Variants in LRMDA observed in about 807,000 individuals in gnomAD.
LRMDA encodes leucine-rich melanocyte differentiation-associated protein.
LRMDA carries 18 observed loss-of-function variants against 29.8 expected under a neutral mutation model. The observed-to-expected ratio is 0.60, with a 90% CI of 0.42 to 0.90. LRMDA has a LOEUF of 0.90. Ranked by LOEUF, LRMDA falls within the 40% of genes least tolerant of loss-of-function variation. LRMDA has a pLI of 0.00. For synonymous variants in LRMDA, 125 were observed against 109.4 expected (o/e 1.14, Z -0.89); for missense variants, 273 against 273.9 (o/e 1.00, Z 0.02).
At chr10:76,277,586 C>A (rs1157544209) in intron 5 of LRMDA, among the ~76,000 whole-genome samples, 1 of 151,938 alleles carries the variant, frequency 6.6e-6, no homozygotes, top group East Asian at 1.9e-4. Flanking sequence ...GTGCTTCTGT[C>A]CTCCTTTTCC....
intron 6 of LRMDA, among the ~76,000 whole-genome samples, chr10:76,525,323 G>A (rs1843162898): frequency 6.6e-6 from 1 of 152,092 alleles, no homozygotes; most frequent in Admixed American, 6.6e-5. Context: ...AAGCAAAATG[G>A]GGAGAAACTT....
Position 75,739,476 on chromosome 10 carries a change from T to C in LRMDA, c.132-296532T>C, listed in dbSNP as rs575593541. On this transcript the variant is annotated intron_variant, in intron 2 of 6. Coordinates refer to ENST00000611255, the MANE Select transcript of LRMDA (RefSeq NM_001305581.2). ...AGACTGACGGGAAATCAATTAATCT[T>C]GATGTATTATTTTATGCAGAACAGG... 2.3e-4 allele frequency among the ~76,000 whole-genome samples: 35 copies of C among 152,362 alleles called. No individual in the cohort carries two copies. In the Middle Eastern group the frequency reaches 0.014, roughly 59 times the overall value.
chr10:76,236,279 G>A (rs551934752), intron 5 of LRMDA, among the ~76,000 whole-genome samples: 2 of 152,318 alleles, frequency 1.3e-5, no homozygotes, highest in African/African-American at 4.8e-5. Context: ...GTAACTGAAA[G>A]TCAGGTAACA....
At chr10:76,542,671 T>C (rs969198640) in intron 6 of LRMDA, among the ~76,000 whole-genome samples, 1 of 152,202 alleles carries the variant, frequency 6.6e-6, no homozygotes, top group Non-Finnish European at 1.5e-5. Flanking sequence ...GCAGAGTTGA[T>C]GAAAATGTTA....
intron 5 of LRMDA, among the ~76,000 whole-genome samples, chr10:76,085,985 T>C (rs1849127879): frequency 6.6e-6 from 1 of 152,194 alleles, no homozygotes; most frequent in South Asian, 2.1e-4. Flanking sequence ...CTCCTCCTTC[T>C]CATGCTTCAC....
At chr10:75,526,241 T>C (rs1294705251) in intron 2 of LRMDA, among the ~76,000 whole-genome samples, 4 of 151,876 alleles carry the variant, frequency 2.6e-5, no homozygotes, top group African/African-American at 9.7e-5. Flanking sequence ...AATTTTTAAT[T>C]TTTTGTAGAG....
intron 2 of LRMDA, among the ~76,000 whole-genome samples, chr10:75,766,046 C>G (rs1843160225): frequency 6.6e-6 from 1 of 152,164 alleles, no homozygotes; most frequent in Non-Finnish European, 1.5e-5. Context: ...TAAAAAATGT[C>G]TGTTGGAAGG....
intron 6 of LRMDA, among the ~76,000 whole-genome samples, chr10:76,358,998 G>C (rs1224883679): frequency 6.6e-6 from 1 of 152,140 alleles, no homozygotes; most frequent in Non-Finnish European, 1.5e-5. Context: ...GTTCGGCAAG[G>C]GACAGCATTC....
intron 6 of LRMDA, among the ~76,000 whole-genome samples, chr10:76,377,817 C>T (rs527573084): frequency 5.3e-5 from 8 of 152,222 alleles, no homozygotes; most frequent in Non-Finnish European, 1.0e-4. Context: ...AATGTGATGC[C>T]TCCAGCTTTT....
chr10:76,557,961 A>G lies in LRMDA; in HGVS notation c.*673A>G, dbSNP rs1393045488. 1 of 152,294 alleles carries G rather than the reference A, an allele frequency of 6.6e-6. No homozygotes were observed. Among genetic ancestry groups the G allele is most frequent in the Non-Finnish European group, 1.5e-5 (1 of 68,136 alleles). 9.4% of individuals were successfully genotyped at this position (152,294 alleles called of 1,614,324 possible). A position where few individuals can be genotyped will look rare whatever the true frequency, so the allele number is the denominator to read the frequency against. On this transcript the variant is annotated 3_prime_UTR_variant, in exon 7 of 7. Transcript: ENST00000611255. The stretch of plus-strand genomic sequence containing the variant: ...TTTATGGCTGGCTTCATGTTGCTAC[A>G]ATCCCTTTATTGGCGTAAATAGCTT...
intron 6 of LRMDA, among the ~76,000 whole-genome samples, chr10:76,359,472 T>C (rs938641416): frequency 2.0e-5 from 3 of 152,150 alleles, no homozygotes; most frequent in African/African-American, 7.2e-5. Flanking sequence ...AGTGGATAGA[T>C]AGTACACTAG....
At chr10:75,785,012 G>A (rs1843448242) in intron 2 of LRMDA, among the ~76,000 whole-genome samples, 1 of 152,200 alleles carries the variant, frequency 6.6e-6, no homozygotes, top group South Asian at 2.1e-4. Flanking sequence ...CTTCTGTAAT[G>A]GTAAAGTCCA....
At chr10:75,558,028 A>C (rs1840237055) in intron 2 of LRMDA, among the ~76,000 whole-genome samples, 1 of 152,158 alleles carries the variant, frequency 6.6e-6, no homozygotes, top group Non-Finnish European at 1.5e-5. Flanking sequence ...GATGAGGGAA[A>C]GGGTATGCAC....
chr10:76,305,470 A>G (rs1840542587), intron 5 of LRMDA, among the ~76,000 whole-genome samples: 1 of 152,138 alleles, frequency 6.6e-6, no homozygotes, highest in Admixed American at 6.5e-5. Flanking sequence ...AGCAAAACAT[A>G]TACCTAGAAT....
chr10:76,333,715 G>T (rs910569288), intron 6 of LRMDA, among the ~76,000 whole-genome samples: 1 of 152,158 alleles, frequency 6.6e-6, no homozygotes, highest in African/African-American at 2.4e-5. Flanking sequence ...AAAACACAGG[G>T]CCCAGGATAA....
At chr10:75,861,948 A>G (rs1427899513) in intron 2 of LRMDA, among the ~76,000 whole-genome samples, 2 of 152,164 alleles carry the variant, frequency 1.3e-5, no homozygotes, top group Admixed American at 6.6e-5. Context: ...GTGGAGAGAA[A>G]GAGCTCACAG....
chr10:76,311,268 C>T (rs141904803), intron 5 of LRMDA, among the ~76,000 whole-genome samples: 35 of 152,264 alleles, frequency 2.3e-4, no homozygotes, highest in East Asian at 1.2e-3. Flanking sequence ...GTACTTTAAT[C>T]GGATAGAAAC....
At chr10:76,133,112 A>C (rs1850028736) in intron 5 of LRMDA, among the ~76,000 whole-genome samples, 1 of 151,428 alleles carries the variant, frequency 6.6e-6, no homozygotes, top group South Asian at 2.1e-4. Flanking sequence ...TGAGCCACTG[A>C]GCCCGGCCAA....
At chr10:76,471,967 CAA>C (rs1842622146) in intron 6 of LRMDA, among the ~76,000 whole-genome samples, 1 of 151,666 alleles carries the variant, frequency 6.6e-6, no homozygotes, top group Non-Finnish European at 1.5e-5. Context: ...AATAAGCTTT[CAA>C]CAATAATAGT....
Sources: allele counts gnomAD v4.1 joint callset (sites outside exome capture counted in the v4.1 genomes callset), GRCh38; gene constraint gnomAD v4.1.1; transcripts MANE v1.5; gene names NCBI Gene and HGNC (gene_info 2026-07-23, HGNC 2026-07-21).